Variants in PLPP1 observed in about 807,000 individuals in gnomAD.
PLPP1 encodes the protein phospholipid phosphatase 1, also known as lipid phosphate phosphohydrolase 1a.
In PLPP1, 24 loss-of-function variants were observed where a neutral mutation model predicts 31.2. That is an observed-to-expected ratio of 0.77 (90% CI 0.56 to 1.08). The LOEUF (loss-of-function observed/expected upper bound fraction) is 1.08, where lower values mean the gene tolerates loss of function less well. Among genes scored for constraint, PLPP1 ranks in the 50% least tolerant of loss-of-function variants. PLPP1 has a pLI of 0.00. For missense variants in PLPP1, 319 were observed against 342.7 expected, an observed-to-expected ratio of 0.93 and a Z score of 0.55; for synonymous variants, 146 against 126.3, an observed-to-expected ratio of 1.16 and a Z score of -1.05.
At chr5:55,500,505 A>G (rs1410065602) in intron 1 of PLPP1, among the ~76,000 whole-genome samples, 1 of 152,210 alleles carries the variant, frequency 6.6e-6, no homozygotes, top group Admixed American at 6.5e-5. Context: ...AGTGGGGGCT[A>G]AATAGCAGAG....
chr5:55,492,627 T>C (rs374222438), intron 1 of PLPP1, among the ~76,000 whole-genome samples: 7 of 152,188 alleles, frequency 4.6e-5, no homozygotes, highest in African/African-American at 1.7e-4. Flanking sequence ...AGCATGAGAA[T>C]TGCATCAACA....
In PLPP1 at chr5:55,475,344, A is replaced by C; in HGVS notation, c.165T>G (p.Pro55=). The C allele has an allele frequency of 6.2e-7, 1 of 1,612,656 alleles. No homozygotes were observed. Among genetic ancestry groups the C allele is most frequent in the East Asian group, 2.2e-5 (1 of 44,808 alleles). ...TGATTATTCCACCTAATAACGCATA[A>C]GGTATGGTGTCTTCTTTGTAAGGGT... ...IKYPYKEDTI[P]YALLGGIIIP... is the part of the protein sequence containing the mutation. Residue 55 remains proline, a synonymous_variant, in exon 2 of 6, where the codon CCT becomes CCG. Coordinates refer to ENST00000307259, the MANE Select transcript of PLPP1 (RefSeq NM_003711.4).
At chr5:55,438,740 A>C (rs1355675500) in intron 4 of PLPP1, among the ~76,000 whole-genome samples, 1 of 152,100 alleles carries the variant, frequency 6.6e-6, no homozygotes, top group African/African-American at 2.4e-5. Flanking sequence ...TCTCTACTAA[A>C]GATACAAAAA....
chr5:55,478,474 G>A (rs1039211765), intron 1 of PLPP1, among the ~76,000 whole-genome samples: 39 of 152,252 alleles, frequency 2.6e-4, no homozygotes, highest in Non-Finnish European at 1.3e-4. Flanking sequence ...TGTGATATTC[G>A]ATAAGCCAGT....
intron 3 of PLPP1, among the ~76,000 whole-genome samples, chr5:55,450,247 A>C (rs1751863708): frequency 6.6e-6 from 1 of 152,192 alleles, no homozygotes; most frequent in Admixed American, 6.5e-5. Context: ...ACATCTGTGA[A>C]TCACATGCCG....
chr5:55,434,780 G>GT (rs1751453917), intron 4 of PLPP1, among the ~76,000 whole-genome samples: 1 of 152,138 alleles, frequency 6.6e-6, no homozygotes, highest in Non-Finnish European at 1.5e-5. Context: ...AGACTTAAAT[G>GT]TAAGACCTGA....
In PLPP1 at chr5:55,534,594, G is replaced by A; in HGVS notation, c.36C>T (p.Leu12=). The A allele has an allele frequency of 6.4e-7, 1 of 1,558,360 alleles. No individual in the cohort carries two copies. The highest frequency in any genetic ancestry group is 8.7e-7 in the Non-Finnish European group (1 of 1,154,154). The change falls in exon 1 of 6, where the codon CTC becomes CTT. Residue 12 remains leucine (L), a synonymous_variant. Transcript: ENST00000307259. ...FDKTRLPYVA[L]DVLCVLLAGL... The stretch of plus-strand genomic sequence containing the variant: ...TACCCAGCAACACGCAGAGCACATC[G>A]AGGGCCACGTACGGCAGCCGCGTCT...
At chr5:55,498,742 C>T (rs567206442) in intron 1 of PLPP1, among the ~76,000 whole-genome samples, 46 of 151,442 alleles carry the variant, frequency 3.0e-4, no homozygotes, top group African/African-American at 1.1e-3. Flanking sequence ...TCCAAGAACA[C>T]GCTAGGGAAG....
At chr5:55,490,144 CTT>C (rs896241457) in intron 1 of PLPP1, among the ~76,000 whole-genome samples, 15 of 83,376 alleles carry the variant, frequency 1.8e-4, no homozygotes, top group African/African-American at 6.1e-4. Context: ...CTTTTCTTTT[CTT>C]TTTTTTTTTT....
intron 1 of PLPP1, among the ~76,000 whole-genome samples, chr5:55,480,123 G>A (rs1358450017): frequency 6.6e-6 from 1 of 152,114 alleles, no homozygotes; most frequent in Non-Finnish European, 1.5e-5. Context: ...AAAAGTGAAA[G>A]AGTTCCCTTT....
chr5:55,486,773 C>T (rs13174836), intron 1 of PLPP1, among the ~76,000 whole-genome samples: 8,730 of 149,954 alleles, frequency 0.058, 443 homozygotes, highest in African/African-American at 0.12. Flanking sequence ...ATTAGCAAGG[C>T]GTGATGGCAC....
At chr5:55,532,435 A>G (rs1274686984) in intron 1 of PLPP1, among the ~76,000 whole-genome samples, 1 of 152,224 alleles carries the variant, frequency 6.6e-6, no homozygotes, top group East Asian at 1.9e-4. Context: ...TGTGGCAATG[A>G]TAGGATAATA....
Position 55,427,012 on chromosome 5 carries a change from A to G in PLPP1, c.550-973T>C, listed in dbSNP as rs1579912715. On this transcript the variant is annotated intron_variant, in intron 4 of 5. Transcript: ENST00000307259. ...CTAAGAAATTCCCCTTTCTCATGTC[A>G]GTCTGCCTTTGACTTTGGGTGCATC... 3.3e-5 allele frequency among the ~76,000 whole-genome samples: 5 copies of G among 152,148 alleles called. No individual in the cohort carries two copies. In the South Asian group the frequency reaches 1.0e-3, roughly 32 times the overall value.
rs1178247543 is a variant in PLPP1, at chr5:55,443,177, T to TAAAAAAAAAAAAAAAAA, written c.492-1270_492-1269insTTTTTTTTTTTTTTTTT. Among the ~76,000 whole-genome samples the TAAAAAAAAAAAAAAAAA allele has an allele frequency of 7.8e-5, 4 of 51,036 alleles. 1 individual carries two copies. Among genetic ancestry groups the TAAAAAAAAAAAAAAAAA allele is most frequent in the African/African-American group, 7.8e-5 (1 of 12,828 alleles). The allele number at this position is 51,036 out of a possible 152,430, so 33.5% of individuals were successfully genotyped here. A position where few individuals can be genotyped will look rare whatever the true frequency, so the allele number is the denominator to read the frequency against. The stretch of plus-strand genomic sequence containing the variant: ...AGTGGGTGGGAAAGAAAGGATTACT[T>TAAAAAAAAAAAAAAAAA]AAAAAAAAAAAAAAAATATATATAT... On this transcript the variant is annotated intron_variant, in intron 3 of 5. Transcript: ENST00000307259.
At chr5:55,478,727 A>T (rs1483253177) in intron 1 of PLPP1, among the ~76,000 whole-genome samples, 1 of 152,160 alleles carries the variant, frequency 6.6e-6, no homozygotes, top group Non-Finnish European at 1.5e-5. Flanking sequence ...CCGTGGCCAC[A>T]TCAGAAAGAG....
intron 1 of PLPP1, among the ~76,000 whole-genome samples, chr5:55,478,083 A>G (rs1218957754): frequency 6.6e-6 from 1 of 152,196 alleles, no homozygotes; most frequent in Non-Finnish European, 1.5e-5. Context: ...GAAAACATAT[A>G]GGCCCTAATA....
intron 1 of PLPP1, among the ~76,000 whole-genome samples, chr5:55,506,197 C>T (rs1753273160): frequency 6.7e-6 from 1 of 150,078 alleles, no homozygotes; most frequent in Non-Finnish European, 1.5e-5. Context: ...TTTAAACAGG[C>T]TGATGAAATG....
In PLPP1 at chr5:55,500,224, C is replaced by T. The variant is rs184262784; in HGVS notation, c.59-24774G>A. On this transcript the variant is annotated intron_variant, in intron 1 of 5. Coordinates refer to ENST00000307259, the MANE Select transcript of PLPP1 (RefSeq NM_003711.4). ...CCTCCCGAGTAGCTGGGACTACAGGCGCCCGCCACCACGCCCAGCTAATTT... is the reference window on the plus strand; with the variant it reads ...CCTCCCGAGTAGCTGGGACTACAGGTGCCCGCCACCACGCCCAGCTAATTT... Among the ~76,000 whole-genome samples, 213 of 151,974 alleles carry T rather than the reference C, an allele frequency of 1.4e-3. 2 individuals carry two copies. The East Asian group carries it at 0.034, about 24-fold the overall frequency.
At chr5:55,522,680 C>G (rs565740276) in intron 1 of PLPP1, among the ~76,000 whole-genome samples, 7 of 151,980 alleles carry the variant, frequency 4.6e-5, no homozygotes, top group Admixed American at 6.5e-5. Flanking sequence ...TTTAAGCCAT[C>G]TAAAATAATC....
Sources: gnomAD v4.1 joint callset for allele counts (sites outside exome capture counted in the v4.1 genomes callset) on GRCh38, gnomAD v4.1.1 for gene constraint, MANE v1.5 for transcripts, NCBI Gene and HGNC (gene_info 2026-07-23, HGNC 2026-07-21) for gene names.